Variants in STPG2 observed in about 807,000 individuals in gnomAD.
STPG2 encodes sperm-tail PG-rich repeat-containing protein 2.
STPG2 carries 56 observed loss-of-function variants against 54.2 expected under a neutral mutation model. The ratio of observed to expected loss-of-function variants is 1.03; its 90% CI spans 0.83 to 1.29. The LOEUF is 1.29. STPG2 is among the 50% of genes most tolerant of loss of function. The pLI is 0.00. For missense variants in STPG2, 596 were observed against 544.9 expected (o/e 1.09, Z -0.93); for synonymous variants, 200 against 181.8 (o/e 1.10, Z -0.81).
intron 9 of STPG2, among the ~76,000 whole-genome samples, chr4:97,734,511 A>G (rs1430740367): frequency 6.6e-6 from 1 of 152,150 alleles, no homozygotes; most frequent in African/African-American, 2.4e-5. Context: ...TTAAGTGAGA[A>G]CATACTTTTT....
chr4:97,505,361 T>G (rs1480559252), intron 4 of STPG2, among the ~76,000 whole-genome samples: 1 of 151,944 alleles, frequency 6.6e-6, no homozygotes, highest in Non-Finnish European at 1.5e-5. Flanking sequence ...TTTAAGAAAC[T>G]TAGTTTATCT....
At chr4:97,620,058 T>G (rs898546840) in intron 10 of STPG2, among the ~76,000 whole-genome samples, 1 of 152,040 alleles carries the variant, frequency 6.6e-6, no homozygotes, top group African/African-American at 2.4e-5. Flanking sequence ...TCTCCTGACC[T>G]TGTGATCTGC....
intron 9 of STPG2, among the ~76,000 whole-genome samples, chr4:97,746,784 C>A (rs1187227670): frequency 2.0e-5 from 3 of 151,164 alleles, no homozygotes; most frequent in Admixed American, 6.6e-5. Context: ...TCTCTGTGCA[C>A]CTCGAAAGTA....
At chr4:97,918,399 A>G (rs1731967227) in intron 8 of STPG2, among the ~76,000 whole-genome samples, 1 of 152,152 alleles carries the variant, frequency 6.6e-6, no homozygotes. Context: ...TGCATTAAGG[A>G]GAACTCTCTA....
intron 8 of STPG2, among the ~76,000 whole-genome samples, chr4:97,897,440 T>C (rs1368084770): frequency 2.6e-5 from 4 of 152,142 alleles, no homozygotes; most frequent in Non-Finnish European, 5.9e-5. Context: ...GATCGCTGAG[T>C]TGAATGGTAT....
At chr4:97,660,725 A>T (rs1286747678) in intron 10 of STPG2, among the ~76,000 whole-genome samples, 1 of 152,114 alleles carries the variant, frequency 6.6e-6, no homozygotes, top group Non-Finnish European at 1.5e-5. Context: ...ATCTCATGTG[A>T]TCCCCAAAAA....
intron 8 of STPG2, among the ~76,000 whole-genome samples, chr4:97,912,818 TA>T (rs1731731108): frequency 6.6e-6 from 1 of 152,224 alleles, no homozygotes; most frequent in African/African-American, 2.4e-5. Flanking sequence ...TAAAGTTCTC[TA>T]GATGATTCTA....
intron 10 of STPG2, among the ~76,000 whole-genome samples, chr4:97,671,884 CCTAAAAA>C (rs1407299006): frequency 2.0e-5 from 3 of 151,994 alleles, no homozygotes; most frequent in Non-Finnish European, 4.4e-5. Flanking sequence ...TTGCTATATT[CCTAAAAA>C]CTAAAGTGTG....
chr4:97,603,980 T>C (rs931629367), intron 10 of STPG2, among the ~76,000 whole-genome samples: 1 of 151,742 alleles, frequency 6.6e-6, no homozygotes, highest in Non-Finnish European at 1.5e-5. Context: ...TTTTATGTTA[T>C]ATATATTGCA....
At chr4:97,566,267 AC>A in intron 10 of STPG2, among the ~76,000 whole-genome samples, 1 of 152,238 alleles carries the variant, frequency 6.6e-6, no homozygotes, top group Non-Finnish European at 1.5e-5. Context: ...CTCCTGGTGC[AC>A]CATTTTTTAA....
In STPG2 at chr4:97,519,011, G is replaced by T. The variant is rs72684411; in HGVS notation, c.462+193688C>A. On this transcript the variant is annotated intron_variant, in intron 4 of 4. Coordinates refer to the STPG2 transcript ENST00000522676. ...TGACCCAACTATTTGTAGAACTTTA[G>T]ATTCTAAGGGACAGTAGAACCAAAA... Among the ~76,000 whole-genome samples, 1,352 of 152,024 alleles carry T rather than the reference G, an allele frequency of 8.9e-3. 6 individuals carry two copies. Among genetic ancestry groups the T allele is most frequent in the Non-Finnish European group, 0.013 (916 of 67,954 alleles).
At chr4:97,706,955 G>A (rs1301346719) in intron 10 of STPG2, among the ~76,000 whole-genome samples, 1 of 152,146 alleles carries the variant, frequency 6.6e-6, no homozygotes, top group Non-Finnish European at 1.5e-5. Flanking sequence ...TTTTAGATGA[G>A]ACGATAGGCA....
chr4:98,094,546 C>T (rs929713888), intron 5 of STPG2, among the ~76,000 whole-genome samples: 8 of 152,178 alleles, frequency 5.3e-5, no homozygotes, highest in Non-Finnish European at 8.8e-5. Context: ...TTGGGGTCCC[C>T]GAGTCCAGGC....
intron 9 of STPG2, among the ~76,000 whole-genome samples, chr4:97,810,809 A>T (rs1727711943): frequency 6.6e-6 from 1 of 152,216 alleles, no homozygotes; most frequent in South Asian, 2.1e-4. Context: ...ATTCTTTACA[A>T]AAATTATCAC....
At chr4:97,650,877 C>T (rs1722046003) in intron 10 of STPG2, among the ~76,000 whole-genome samples, 1 of 151,862 alleles carries the variant, frequency 6.6e-6, no homozygotes, top group South Asian at 2.1e-4. Flanking sequence ...TCTTCTTTGT[C>T]AAGTAATGTT....
At chr4:97,483,215 G>T (rs1273594605) in intron 4 of STPG2, among the ~76,000 whole-genome samples, 1 of 151,606 alleles carries the variant, frequency 6.6e-6, no homozygotes, top group Non-Finnish European at 1.5e-5. Flanking sequence ...TGAATGGAAT[G>T]GTACCTCACA....
At chr4:98,009,582 TC>T (rs1476032425) in intron 5 of STPG2, among the ~76,000 whole-genome samples, 1 of 152,100 alleles carries the variant, frequency 6.6e-6, no homozygotes, top group Non-Finnish European at 1.5e-5. Context: ...TCTGTATATG[TC>T]TGTTAGGTCC....
chr4:97,726,986 C>G (rs992313593), intron 9 of STPG2, among the ~76,000 whole-genome samples: 9 of 151,778 alleles, frequency 5.9e-5, no homozygotes, highest in African/African-American at 1.9e-4. Flanking sequence ...GCTTCTGTTT[C>G]TAAAACTATA....
chr4:97,471,367 G>A (rs1407744940), intron 4 of STPG2, among the ~76,000 whole-genome samples: 1 of 152,058 alleles, frequency 6.6e-6, no homozygotes, highest in Non-Finnish European at 1.5e-5. Context: ...TCAGTTATCT[G>A]AGTAAATGTT....
Sources: allele counts gnomAD v4.1 joint callset (sites outside exome capture counted in the v4.1 genomes callset), GRCh38; gene constraint gnomAD v4.1.1; transcripts MANE v1.5; gene names NCBI Gene and HGNC (gene_info 2026-07-23, HGNC 2026-07-21).